Variants in TMED10 observed in about 807,000 individuals in gnomAD.
TMED10 encodes the protein transmembrane emp24 domain-containing protein 10.
In TMED10, 7 loss-of-function variants were observed where a neutral mutation model predicts 23.1. The observed-to-expected ratio is 0.30, with a 90% confidence interval of 0.17 to 0.57. The LOEUF (loss-of-function observed/expected upper bound fraction) is 0.57, where lower values mean the gene tolerates loss of function less well. Ranked by LOEUF, TMED10 falls within the 20% of genes least tolerant of loss-of-function variation. The pLI is 0.91. For synonymous variants in TMED10, 113 were observed against 106.9 expected, an observed-to-expected ratio of 1.06 and a Z score of -0.35; for missense variants, 162 against 274.8, an observed-to-expected ratio of 0.59 and a Z score of 2.90.
intron 2 of TMED10, chr14:75,147,963 C>A (rs1895909443): frequency 1.7e-6 from 1 of 583,856 alleles, no homozygotes; most frequent in South Asian, 2.0e-5. Flanking sequence ...GCAACAAGAA[C>A]ATGCTGCTGG....
At chr14:75,135,118 G>A (rs2139828793) in intron 4 of TMED10, 112 bp from the exon 5 acceptor site, 2 of 1,346,470 alleles carry the variant, frequency 1.5e-6, no homozygotes, top group South Asian at 2.6e-5. Flanking sequence ...CTGTCCCTAG[G>A]TCTAACAGTA....
At chr14:75,166,927 T>G (rs1896170859) in intron 1 of TMED10, among the ~76,000 whole-genome samples, 1 of 149,584 alleles carries the variant, frequency 6.7e-6, no homozygotes, top group South Asian at 2.1e-4. Context: ...CTGAGCAACA[T>G]GCATCCTATT....
chr14:75,163,552 C>CAAAAAAAAAA (rs758185921), intron 1 of TMED10, among the ~76,000 whole-genome samples: 1 of 60,758 alleles, frequency 1.6e-5, no homozygotes, highest in Non-Finnish European at 3.0e-5. Flanking sequence ...GACTCCGTAT[C>CAAAAAAAAAA]AAAAAAAAAA....
At chr14:75,174,767 G>A (rs1255771981) in intron 1 of TMED10, among the ~76,000 whole-genome samples, 1 of 152,080 alleles carries the variant, frequency 6.6e-6, no homozygotes. Flanking sequence ...ACGAGGCCAG[G>A]CGCGGTGGCT....
chr14:75,152,170 G>A (rs1260254339), intron 1 of TMED10, 27 bp from the exon 2 acceptor site: 1 of 1,577,188 alleles, frequency 6.3e-7, no homozygotes, highest in African/African-American at 1.3e-5. Flanking sequence ...AGTAAGAATA[G>A]GCAGCAAATA....
intron 1 of TMED10, among the ~76,000 whole-genome samples, chr14:75,152,981 G>A (rs1895973044): frequency 6.6e-6 from 1 of 152,196 alleles, no homozygotes; most frequent in Admixed American, 6.5e-5. Context: ...AATCAGCTGG[G>A]CGCAGTGGCA....
intron 3 of TMED10, among the ~76,000 whole-genome samples, chr14:75,140,146 T>C (rs1350459691): frequency 1.3e-5 from 2 of 152,108 alleles, no homozygotes; most frequent in Non-Finnish European, 2.9e-5. Flanking sequence ...TCCAGAACTA[T>C]GAGAAATAAA....
At chr14:75,163,958 C>T (rs1450587750) in intron 1 of TMED10, among the ~76,000 whole-genome samples, 2 of 152,026 alleles carry the variant, frequency 1.3e-5, no homozygotes, top group African/African-American at 2.4e-5. Context: ...AGGTAAACTG[C>T]CTGGAACAGT....
chr14:75,160,669 T>C (rs779123566), intron 1 of TMED10, among the ~76,000 whole-genome samples: 9 of 152,204 alleles, frequency 5.9e-5, no homozygotes, highest in Non-Finnish European at 1.2e-4. Flanking sequence ...AATTTGCCCA[T>C]ATGACATCAA....
At chr14:75,161,592 A>T (rs1209877957) in intron 1 of TMED10, among the ~76,000 whole-genome samples, 1 of 152,178 alleles carries the variant, frequency 6.6e-6, no homozygotes, top group Non-Finnish European at 1.5e-5. Context: ...TTCAACCATC[A>T]TCTTGCTAAA....
At chr14:75,158,208 G>A (rs1008121544) in intron 1 of TMED10, among the ~76,000 whole-genome samples, 1 of 152,210 alleles carries the variant, frequency 6.6e-6, no homozygotes, top group Non-Finnish European at 1.5e-5. Flanking sequence ...TAAAGACCTT[G>A]AAGTTAGCAT....
chr14:75,139,248 T>C lies in TMED10; in HGVS notation c.412-3362A>G, dbSNP rs1280213637. 5 of 390,690 alleles carry C rather than the reference T, an allele frequency of 1.3e-5. No homozygotes were observed. The Admixed American group carries it at 1.7e-4, about 13-fold the overall frequency. 24.2% of individuals were successfully genotyped at this position (390,690 alleles called of 1,614,324 possible). ...ATGGCATACTACACACATTGTTCTA[T>C]AGCTTTTTTCCATTTAGTAAGATCT... On this transcript the variant is annotated intron_variant, in intron 3 of 4. Coordinates refer to ENST00000303575, the MANE Select transcript of TMED10 (RefSeq NM_006827.6).
intron 1 of TMED10, among the ~76,000 whole-genome samples, chr14:75,164,577 A>ATTTTT (rs60845992): frequency 2.7e-4 from 12 of 45,074 alleles, no homozygotes; most frequent in African/African-American, 1.5e-3. Flanking sequence ...ATATATATAT[A>ATTTTT]TTTTTTTTTT....
At chr14:75,143,755 G>A (rs924887287) in intron 3 of TMED10, among the ~76,000 whole-genome samples, 1 of 152,108 alleles carries the variant, frequency 6.6e-6, no homozygotes, top group African/African-American at 2.4e-5. Context: ...CCTACATGGT[G>A]AAACCCTGTC....
At chr14:75,168,223 T>C (rs1205964819) in intron 1 of TMED10, among the ~76,000 whole-genome samples, 2 of 152,324 alleles carry the variant, frequency 1.3e-5, no homozygotes, top group South Asian at 4.1e-4. Flanking sequence ...ACTTTCATTA[T>C]AGTGCTTATC....
At chr14:75,137,159 C>T (rs184865129) in intron 3 of TMED10, among the ~76,000 whole-genome samples, 7 of 151,258 alleles carry the variant, frequency 4.6e-5, no homozygotes, top group Admixed American at 2.6e-4. Flanking sequence ...TACAGGCGTG[C>T]GCCACCACAC....
chr14:75,145,666 A>G (rs1430291108), intron 3 of TMED10, among the ~76,000 whole-genome samples: 1 of 152,146 alleles, frequency 6.6e-6, no homozygotes, highest in Non-Finnish European at 1.5e-5. Flanking sequence ...GGGTGCCTGT[A>G]GTCCCAGCTA....
At position 75,131,648 on chromosome 14, in the gene TMED10, T is replaced by C. The variant is rs1211574886; in HGVS notation, c.*3237A>G. The C allele has an allele frequency of 6.6e-6, 1 of 152,590 alleles. No homozygotes were observed. The highest frequency in any genetic ancestry group is 1.5e-5 in the Non-Finnish European group (1 of 68,038). The allele number at this position is 152,590 out of a possible 1,614,324, so 9.5% of individuals were successfully genotyped here. On this transcript the variant is annotated 3_prime_UTR_variant, in exon 5 of 5. Coordinates refer to ENST00000303575, the MANE Select transcript of TMED10 (RefSeq NM_006827.6). ...ACTTAAACTGCATCATTCTCATTTA[T>C]ATTATACAGACCATTTTGGATAATA...
rs1242998676 is a variant in TMED10, at chr14:75,132,560, A to G, written c.*2325T>C. ...AGGTTCTCAGAAGCAGTACCTACCA[A>G]TTCTCAACAGCAGATGGCAATGTTG... On this transcript the variant is annotated 3_prime_UTR_variant, in exon 5 of 5. Transcript: ENST00000303575. 1 of 152,126 alleles carries G rather than the reference A, an allele frequency of 6.6e-6. No homozygotes were observed. The highest frequency in any genetic ancestry group is 1.5e-5 in the Non-Finnish European group (1 of 68,052). The allele number at this position is 152,126 out of a possible 1,614,324, so 9.4% of individuals were successfully genotyped here.
Sources: gnomAD v4.1 joint callset for allele counts (sites outside exome capture counted in the v4.1 genomes callset) on GRCh38, gnomAD v4.1.1 for gene constraint, MANE v1.5 for transcripts, NCBI Gene and HGNC (gene_info 2026-07-23, HGNC 2026-07-21) for gene names.